Variants in ST6GAL2 observed in about 807,000 individuals in gnomAD.
The protein encoded by ST6GAL2 is beta-galactoside alpha-2,6-sialyltransferase 2.
Under a neutral mutation model 37.5 loss-of-function variants are expected in ST6GAL2, and 24 were observed. The observed-to-expected ratio is 0.64, with a 90% CI of 0.46 to 0.90. The LOEUF (loss-of-function observed/expected upper bound fraction) is 0.90, where lower values mean the gene tolerates loss of function less well. Among genes scored for constraint, ST6GAL2 ranks in the 40% least tolerant of loss-of-function variants. ST6GAL2 has a pLI of 0.00. For synonymous variants in ST6GAL2, 306 were observed against 295.1 expected (o/e 1.04, Z -0.38); for missense variants, 715 against 712.7 (o/e 1.00, Z -0.04).
At chr2:106,830,330 C>A in intron 4 of ST6GAL2, 90 bp from the exon 5 acceptor site, 1 of 1,055,232 alleles carries the variant, frequency 9.5e-7, no homozygotes. Flanking sequence ...GGCAGAGGGG[C>A]CAGGCTGGGG....
intron 5 of ST6GAL2, among the ~76,000 whole-genome samples, chr2:106,829,862 T>A (rs1444585205): frequency 6.6e-6 from 1 of 152,162 alleles, no homozygotes; most frequent in Non-Finnish European, 1.5e-5. Flanking sequence ...ATTTTGGATT[T>A]TTGGATTAGA....
chr2:106,834,200 C>G (rs1676541424), intron 2 of ST6GAL2, 54 bp from the exon 3 acceptor site: 1 of 1,337,090 alleles, frequency 7.5e-7, no homozygotes, highest in African/African-American at 1.5e-5. Context: ...ATCACATAAT[C>G]TAGGAAAAAA....
chr2:106,843,648 CTCTT>C lies in ST6GAL2; in HGVS notation c.326_329del (p.Lys109SerfsTer64). The C allele has an allele frequency of 6.2e-7, 1 of 1,613,728 alleles. No homozygotes were observed. The highest frequency in any genetic ancestry group is 8.5e-7 in the Non-Finnish European group (1 of 1,180,034). On this transcript the variant is annotated frameshift_variant, in exon 2 of 6. Transcript: ENST00000409382. LOFTEE classifies it high-confidence loss of function. Reference sequence around the variant, plus strand: ...TTCTCCCCACCTGGGATGAAAAAAACTCTTTATGTTCAAACCCATCTTGGGACTG... The same window carrying C: ...TTCTCCCCACCTGGGATGAAAAAAACTATGTTCAAACCCATCTTGGGACTG...
rs759027917 is a variant in ST6GAL2, at chr2:106,834,153, G to A, written c.944-7C>T. The stretch of plus-strand genomic sequence containing the variant: ...AAAACCGCATCATGAGAATCTAAGG[G>A]CACATAAGTGACAAGCTTACTTTTG... On this transcript the variant is annotated splice_region_variant and splice_polypyrimidine_tract_variant and intron_variant, in intron 2 of 5. Transcript: ENST00000409382. 3.1e-6 allele frequency: 5 copies of A among 1,597,966 alleles called. No individual in the cohort carries two copies. The highest frequency in any genetic ancestry group is 3.4e-6 in the Non-Finnish European group (4 of 1,166,304).
intron 1 of ST6GAL2, among the ~76,000 whole-genome samples, chr2:106,845,770 A>T (rs1677119517): frequency 6.6e-6 from 1 of 152,142 alleles, no homozygotes. Flanking sequence ...CCACCCAGAG[A>T]GAGGCAGATT....
rs920131957 is a variant in ST6GAL2, at chr2:106,843,695, C to A, written c.283G>T (p.Asp95Tyr). 16 of 1,613,062 alleles carry A rather than the reference C, an allele frequency of 9.9e-6. No individual in the cohort carries two copies. The Admixed American group carries it at 2.5e-4, about 25-fold the overall frequency. ...PAGSFHAGPG[D>Y]LQKWAQSQDG... The stretch of plus-strand genomic sequence containing the variant: ...TGGGACTGGGCCCATTTCTGCAGGT[C>A]TCCAGGCCCCGCATGAAAGGAACCG... Residue 95 changes from aspartate (D) to tyrosine (Y), a missense_variant, in exon 2 of 6, where the codon GAC (aspartate) becomes TAC (tyrosine). Physicochemically the swap from Asp to Tyr is radical, Grantham distance 160 (BLOSUM62 -3). Around this residue, in one of 3 missense-constraint regions of ST6GAL2, gnomAD observed 512 missense variants for 488.8 expected, o/e 1.05. Coordinates refer to ENST00000409382, the MANE Select transcript of ST6GAL2 (RefSeq NM_001142351.2).
intron 5 of ST6GAL2, chr2:106,813,078 T>TTAACCCAGCTGTTTTGAA: frequency 8.1e-7 from 1 of 1,235,294 alleles, no homozygotes; most frequent in Non-Finnish European, 1.0e-6. Flanking sequence ...TTTTGAATCT[T>TTAACCCAGCTGTTTTGAA]TAAACAGTAT....
chr2:106,883,284 C>T (rs1678826812), intron 1 of ST6GAL2, among the ~76,000 whole-genome samples: 1 of 152,196 alleles, frequency 6.6e-6, no homozygotes, highest in African/African-American at 2.4e-5. Context: ...GTTTCTCTAA[C>T]ACTGATATCT....
Position 106,843,980 on chromosome 2 carries a change from C to G in ST6GAL2, c.-3G>C. 6.4e-7 allele frequency: 1 copy of G among 1,565,696 alleles called. No homozygotes were observed. Among genetic ancestry groups the G allele is most frequent in the Non-Finnish European group, 8.6e-7 (1 of 1,157,352 alleles). On this transcript the variant is annotated 5_prime_UTR_variant, in exon 2 of 6. Coordinates refer to ENST00000409382, the MANE Select transcript of ST6GAL2 (RefSeq NM_001142351.2). ...CATTGCTTCAAGTGTGGTTTCATGG[C>G]AGGTCTCTGCGGTCAGCACCTTGTG...
intron 1 of ST6GAL2, among the ~76,000 whole-genome samples, chr2:106,874,203 G>A (rs910791268): frequency 4.6e-5 from 7 of 152,188 alleles, no homozygotes; most frequent in African/African-American, 1.7e-4. Context: ...TGTAGCAACA[G>A]AGAAATGATG....
At chr2:106,849,461 G>A (rs577343703) in intron 1 of ST6GAL2, among the ~76,000 whole-genome samples, 3 of 152,272 alleles carry the variant, frequency 2.0e-5, no homozygotes, top group South Asian at 4.1e-4. Flanking sequence ...ATAGCATCAC[G>A]TGACAGTTAG....
rs1675388019 is a variant in ST6GAL2 at position 106,805,562 on chromosome 2, A to C, written c.*1116T>G. 1 of 152,242 alleles carries C rather than the reference A, an allele frequency of 6.6e-6. No individual in the cohort carries two copies. The highest frequency in any genetic ancestry group is 1.5e-5 in the Non-Finnish European group (1 of 68,052). 9.4% of individuals were successfully genotyped at this position (152,242 alleles called of 1,614,324 possible). A position where few individuals can be genotyped will look rare whatever the true frequency, so the allele number is the denominator to read the frequency against. On this transcript the variant is annotated 3_prime_UTR_variant, in exon 6 of 6. Coordinates refer to ENST00000409382, the MANE Select transcript of ST6GAL2 (RefSeq NM_001142351.2). Reference sequence around the variant, plus strand: ...CTTTGTCATGCTGCTGACATAAAACATATCTGCAAAAGCAAGGACTGGATT... The same window carrying C: ...CTTTGTCATGCTGCTGACATAAAACCTATCTGCAAAAGCAAGGACTGGATT...
At chr2:106,828,672 T>C (rs1273470970) in intron 5 of ST6GAL2, among the ~76,000 whole-genome samples, 1 of 152,154 alleles carries the variant, frequency 6.6e-6, no homozygotes, top group African/African-American at 2.4e-5. Context: ...CCTTTATTCA[T>C]GGGGAACTAC....
At chr2:106,839,344 C>G (rs559871750) in intron 2 of ST6GAL2, among the ~76,000 whole-genome samples, 130 of 152,202 alleles carry the variant, frequency 8.5e-4, no homozygotes, top group African/African-American at 2.9e-3. Context: ...TCTCTACCAG[C>G]CCTCAGGGGA....
At chr2:106,854,516 T>C (rs1677494774) in intron 1 of ST6GAL2, among the ~76,000 whole-genome samples, 1 of 152,238 alleles carries the variant, frequency 6.6e-6, no homozygotes, top group African/African-American at 2.4e-5. Flanking sequence ...TATAAGCATA[T>C]ATTATACTAA....
At chr2:106,852,322 G>A (rs1195298699) in intron 1 of ST6GAL2, among the ~76,000 whole-genome samples, 1 of 152,190 alleles carries the variant, frequency 6.6e-6, no homozygotes, top group Non-Finnish European at 1.5e-5. Flanking sequence ...TTGTGATGGC[G>A]CTGTTTGACA....
At chr2:106,841,149 T>C (rs1342091856) in intron 2 of ST6GAL2, 1 of 152,178 alleles carries the variant, frequency 6.6e-6, no homozygotes, top group Non-Finnish European at 1.5e-5. Flanking sequence ...TTTTTTTAAC[T>C]TTAAAAATAT....
intron 1 of ST6GAL2, among the ~76,000 whole-genome samples, chr2:106,871,947 GT>G (rs1174276331): frequency 6.6e-6 from 1 of 152,192 alleles, no homozygotes; most frequent in Non-Finnish European, 1.5e-5. Flanking sequence ...TTACTTTATT[GT>G]TTATAATCAT....
At chr2:106,866,791 A>C (rs1050248617) in intron 1 of ST6GAL2, among the ~76,000 whole-genome samples, 23 of 152,232 alleles carry the variant, frequency 1.5e-4, no homozygotes, top group Admixed American at 1.3e-3. Flanking sequence ...CGCATGTATC[A>C]AGAAGTAAAA....
Sources: gnomAD v4.1 joint callset for allele counts (sites outside exome capture counted in the v4.1 genomes callset) on GRCh38, gnomAD v4.1.1 for gene constraint, gnomAD v4.1.1 regional missense constraint, MANE v1.5 for transcripts, NCBI Gene and HGNC (gene_info 2026-07-23, HGNC 2026-07-21) for gene names.